The following DNAH6 variants were observed in gnomAD, a reference collection of about 807,000 sequenced individuals.
The protein encoded by DNAH6 is axonemal beta dynein heavy chain 6.
A neutral mutation model predicts 491.4 loss-of-function variants in DNAH6; 340 were observed. That is an observed-to-expected ratio of 0.69 (90% CI 0.63 to 0.76). DNAH6 has a LOEUF of 0.76. DNAH6 is among the 30% of genes least tolerant of loss of function. The pLI, the probability that DNAH6 is intolerant of heterozygous loss-of-function variation, is 0.00. For synonymous variants in DNAH6, 1,603 were observed against 1,686.1 expected, an observed-to-expected ratio of 0.95 and a Z score of 1.21; for missense variants, 4,443 against 4,972.2, an observed-to-expected ratio of 0.89 and a Z score of 3.20.
chr2:84,563,160 A>G (rs1221232591), intron 11 of DNAH6, among the ~76,000 whole-genome samples: 1 of 152,210 alleles, frequency 6.6e-6, no homozygotes, highest in Admixed American at 6.5e-5. Context: ...CTGTGAGTCC[A>G]TTAAACCTCT....
At chr2:84,472,359 G>A in the DNAH6 span, among the ~76,000 whole-genome samples, 3 of 151,984 alleles carry the variant, frequency 2.0e-5, no homozygotes, top group East Asian at 5.8e-4. Context: ...GCCATTATCA[G>A]TTTTGATTTT....
chr2:84,503,558 C>T, the DNAH6 span, among the ~76,000 whole-genome samples: 4 of 152,076 alleles, frequency 2.6e-5, no homozygotes, highest in African/African-American at 9.7e-5. Context: ...TTCCCCTCAG[C>T]ATTTCTTGTA....
intron 29 of DNAH6, among the ~76,000 whole-genome samples, chr2:84,633,558 C>T (rs1688596924): frequency 6.6e-6 from 1 of 152,052 alleles, no homozygotes; most frequent in African/African-American, 2.4e-5. Context: ...GCATGAATTG[C>T]AACTTGTGTA....
intron 41 of DNAH6, among the ~76,000 whole-genome samples, chr2:84,678,555 C>A (rs1409146763): frequency 6.6e-6 from 1 of 152,054 alleles, no homozygotes; most frequent in Non-Finnish European, 1.5e-5. Flanking sequence ...ACTACAAAAA[C>A]ATCGTTCTTC....
Position 84,707,714 on chromosome 2 carries a change from T to A in DNAH6, c.9046T>A (p.Ser3016Thr). Residue 3016 changes from serine to threonine, a missense_variant and splice_region_variant, in exon 54 of 77, where the codon TCA becomes ACA. Transcript: ENST00000389394. ...YGAFTAQYRQ[S>T]LIECWIQDCQ... ...GGCTTTCACAGCCCAGTACAGGCAG[T>A]CAGTGAGTAACCCTGCTTTCTGTAA... 1 of 1,551,424 alleles carries A rather than the reference T, an allele frequency of 6.4e-7. No individual in the cohort carries two copies. The highest frequency in any genetic ancestry group is 1.4e-5 in the African/African-American group (1 of 73,160).
intron 31 of DNAH6, among the ~76,000 whole-genome samples, chr2:84,639,258 A>G (rs951398186): frequency 1.3e-5 from 2 of 151,974 alleles, no homozygotes; most frequent in Admixed American, 6.6e-5. Flanking sequence ...TAGGAAGAAA[A>G]CCAGGTTTAG....
Position 84,672,501 on chromosome 2 carries a change from A to C in DNAH6, c.6612+17A>C. 1 of 1,542,604 alleles carries C rather than the reference A, an allele frequency of 6.5e-7. No individual in the cohort carries two copies. The highest frequency in any genetic ancestry group is 8.8e-7 in the Non-Finnish European group (1 of 1,141,866). On this transcript the variant is annotated intron_variant, in intron 40 of 76. Transcript: ENST00000389394. The stretch of plus-strand genomic sequence containing the variant: ...GAAATACAGGTTACTTTAGCTTTTA[A>C]ATTACTTGGTGTGCTTAAATTTAAA...
At chr2:84,525,782 G>A in intron 3 of DNAH6, 44 bp downstream of exon 3, 1 of 1,398,636 alleles carries the variant, frequency 7.1e-7, no homozygotes, top group Non-Finnish European at 9.7e-7. Flanking sequence ...ACTTAATTTT[G>A]TTTTGTATAG....
chr2:84,475,577 T>C, the DNAH6 span, among the ~76,000 whole-genome samples: 1 of 152,232 alleles, frequency 6.6e-6, no homozygotes, highest in Non-Finnish European at 1.5e-5. Flanking sequence ...TTTTCTACTC[T>C]TAATCCAGCC....
chr2:84,801,885 AAAAAAAAGAAAAG>A (rs1281319082), intron 70 of DNAH6, among the ~76,000 whole-genome samples: 6 of 151,852 alleles, frequency 4.0e-5, no homozygotes, highest in Admixed American at 6.6e-5. Flanking sequence ...CTCTGAAAAA[AAAAAAAAGAAAAG>A]AAAAAAAGAA....
intron 65 of DNAH6, among the ~76,000 whole-genome samples, chr2:84,784,311 G>A (rs1465015338): frequency 2.0e-5 from 3 of 152,032 alleles, no homozygotes; most frequent in Admixed American, 2.0e-4. Flanking sequence ...TTCTCAGTAG[G>A]GGTTTTTGGC....
the DNAH6 span, among the ~76,000 whole-genome samples, chr2:84,467,736 A>G: frequency 4.6e-5 from 7 of 152,346 alleles, no homozygotes; most frequent in Middle Eastern, 6.8e-3. Flanking sequence ...TTACTTTAGG[A>G]CAAGAATTTA....
chr2:84,586,640 C>T (rs76758213), intron 15 of DNAH6, among the ~76,000 whole-genome samples: 10,971 of 152,116 alleles, frequency 0.072, 1,306 homozygotes, highest in African/African-American at 0.25. Context: ...TTATGTATGT[C>T]TTCATGTTTT....
chr2:84,562,682 G>A (rs1680796205), intron 11 of DNAH6, among the ~76,000 whole-genome samples: 1 of 152,150 alleles, frequency 6.6e-6, no homozygotes, highest in Non-Finnish European at 1.5e-5. Flanking sequence ...AAGTTCAGAG[G>A]AAACCAGGCA....
chr2:84,762,098 AG>A (rs1217238649), intron 63 of DNAH6, among the ~76,000 whole-genome samples: 2 of 152,162 alleles, frequency 1.3e-5, no homozygotes, highest in Non-Finnish European at 2.9e-5. Flanking sequence ...AGGGTAGGGT[AG>A]GATCAGTGAA....
chr2:84,695,525 A>G (rs960068080), intron 46 of DNAH6, among the ~76,000 whole-genome samples: 5 of 152,120 alleles, frequency 3.3e-5, no homozygotes, highest in African/African-American at 1.2e-4. Flanking sequence ...AAGAATATCT[A>G]TTGTAATGTT....
rs1371619864 is a variant in DNAH6, at chr2:84,707,533, C to T, written c.8865C>T (p.Ala2955=). 1.9e-6 allele frequency: 3 copies of T among 1,550,326 alleles called. No individual in the cohort carries two copies. The highest frequency in any genetic ancestry group is 2.4e-5 in the South Asian group (2 of 83,802). The change falls in exon 54 of 77, where the codon GCC becomes GCT. Residue 2955 remains alanine (A), a synonymous_variant. Transcript: ENST00000389394. ...NEKESLAKTM[A]LTKARLVRAG... The stretch of plus-strand genomic sequence containing the variant: ...AAATTTTTCTAGCAAAGACCATGGC[C>T]CTGACAAAAGCACGTCTAGTACGTG...
At chr2:84,474,143 G>A in the DNAH6 span, among the ~76,000 whole-genome samples, 1 of 152,172 alleles carries the variant, frequency 6.6e-6, no homozygotes, top group African/African-American at 2.4e-5. Flanking sequence ...CCAGTATTTT[G>A]GGATAATTGT....
intron 58 of DNAH6, 45 bp from the exon 59 acceptor site, chr2:84,718,159 G>T: frequency 7.0e-7 from 1 of 1,428,700 alleles, no homozygotes; most frequent in Non-Finnish European, 9.3e-7. Flanking sequence ...GCAACTTTGA[G>T]GCACTGGCAG....
Sources: gnomAD v4.1 joint callset for allele counts (sites outside exome capture counted in the v4.1 genomes callset) on GRCh38, gnomAD v4.1.1 for gene constraint, MANE v1.5 for transcripts, NCBI Gene and HGNC (gene_info 2026-07-23, HGNC 2026-07-21) for gene names.